AGAP1: variants seen among roughly 807,000 people sequenced by gnomAD.
AGAP1 encodes arf-GAP with GTPase, ANK repeat and PH domain-containing protein 1.
In AGAP1, 29 loss-of-function variants were observed where a neutral mutation model predicts 105.3. The observed-to-expected ratio is 0.28, with a 90% CI of 0.21 to 0.38. The LOEUF is 0.38. Among genes scored for constraint, AGAP1 ranks in the 10% least tolerant of loss-of-function variants. The pLI is 1.00. For missense variants in AGAP1, 998 were observed against 1,165.1 expected (o/e 0.86, Z 2.09); for synonymous variants, 509 against 485.9 (o/e 1.05, Z -0.63).
At chr2:235,727,995 A>C (rs751715617) in intron 3 of AGAP1, among the ~76,000 whole-genome samples, 1 of 152,152 alleles carries the variant, frequency 6.6e-6, no homozygotes, top group Non-Finnish European at 1.5e-5. Context: ...CTCAGCACCG[A>C]TTAGAGCTGG....
At position 235,973,044 on chromosome 2, in the gene AGAP1, G is replaced by A. The variant is rs915060309; in HGVS notation, c.1645+4421G>A. On this transcript the variant is annotated intron_variant, in intron 13 of 17. Transcript: ENST00000304032. This position sits in a 1 kb window ranked among gnomAD's most constrained non-coding sequence, Gnocchi z 4.7. ...TCTGGCCGTTTCTTACCTCTGTGGC[G>A]CACTTATTCAGAAAGTAAAGGCTAA... 3.9e-5 allele frequency among the ~76,000 whole-genome samples: 6 copies of A among 152,258 alleles called. No individual in the cohort carries two copies. Among genetic ancestry groups the A allele is most frequent in the African/African-American group, 9.6e-5 (4 of 41,550 alleles).
intron 1 of AGAP1, among the ~76,000 whole-genome samples, chr2:235,498,197 CA>C (rs1268905779): frequency 6.6e-6 from 1 of 152,202 alleles, no homozygotes; most frequent in African/African-American, 2.4e-5. Context: ...TGTTTGTAGG[CA>C]TGGGATACAG....
chr2:235,854,007 G>A (rs1308124190), intron 9 of AGAP1, among the ~76,000 whole-genome samples: 1 of 151,908 alleles, frequency 6.6e-6, no homozygotes, highest in Non-Finnish European at 1.5e-5. Context: ...AAATATGTCC[G>A]TTCCAGGCTT....
chr2:236,074,231 ACATCAGTACCCTCTG>A (rs2058578928), intron 16 of AGAP1, among the ~76,000 whole-genome samples: 1 of 152,132 alleles, frequency 6.6e-6, no homozygotes, highest in South Asian at 2.1e-4. Context: ...ACTTCTCCTA[ACATCAGTACCCTCTG>A]CAAGGGAGAG....
At chr2:235,798,629 G>A (rs2150046354) in intron 7 of AGAP1, among the ~76,000 whole-genome samples, 1 of 152,248 alleles carries the variant, frequency 6.6e-6, no homozygotes, top group East Asian at 1.9e-4. Flanking sequence ...TGTAATCCCA[G>A]CACTTTGGGA....
In AGAP1 at chr2:236,124,241, T is replaced by A. The variant is rs1471404671; in HGVS notation, c.*119T>A. 1.8e-6 allele frequency: 2 copies of A among 1,139,514 alleles called. No homozygotes were observed. The highest frequency in any genetic ancestry group is 1.5e-5 in the African/African-American group (1 of 64,566). The allele number at this position is 1,139,514 out of a possible 1,614,324, so 70.6% of individuals were successfully genotyped here. A position where few individuals can be genotyped will look rare whatever the true frequency, so the allele number is the denominator to read the frequency against. ...CCCCTCCCTCTTCCTGGTGGCCACC[T>A]CCCTCCCGCCCACCCACTCTCACCC... is the stretch of plus-strand genomic sequence containing the variant. On this transcript the variant is annotated 3_prime_UTR_variant, in exon 18 of 18. Transcript: ENST00000304032. The surrounding 1 kb of genome is among the most constrained non-coding windows in gnomAD (Gnocchi z 5.1).
rs1049678273 is a variant in AGAP1 at position 235,550,104 on chromosome 2, C to T, written c.163+55255C>T. 1.3e-5 allele frequency among the ~76,000 whole-genome samples: 2 copies of T among 152,192 alleles called. No individual in the cohort carries two copies. The highest frequency in any genetic ancestry group is 2.9e-5 in the Non-Finnish European group (2 of 68,036). ...CTGCTTCAGAGATCAAGTGGCATGTCCACATCTGGAGTAGACCCTGAGTGG... is the reference window on the plus strand; with the variant it reads ...CTGCTTCAGAGATCAAGTGGCATGTTCACATCTGGAGTAGACCCTGAGTGG... On this transcript the variant is annotated intron_variant, in intron 1 of 17. Transcript: ENST00000304032. This position sits in a 1 kb window ranked among gnomAD's most constrained non-coding sequence, Gnocchi z 4.6.
chr2:235,942,332 A>G (rs1423639889), intron 12 of AGAP1, among the ~76,000 whole-genome samples: 1 of 152,142 alleles, frequency 6.6e-6, no homozygotes, highest in East Asian at 1.9e-4. Flanking sequence ...TGCTTGGCCC[A>G]GTTTTTAATC....
intron 16 of AGAP1, among the ~76,000 whole-genome samples, chr2:236,085,239 A>AT (rs2058896939): frequency 2.6e-5 from 4 of 151,326 alleles, no homozygotes; most frequent in African/African-American, 7.3e-5. Flanking sequence ...AAAAAAAAAA[A>AT]ATTTTTATTT....
chr2:235,516,119 C>T (rs562336897), intron 1 of AGAP1, among the ~76,000 whole-genome samples: 50 of 147,948 alleles, frequency 3.4e-4, no homozygotes, highest in African/African-American at 1.3e-3. Flanking sequence ...ATGGACTCTC[C>T]CTCACCTGTG....
In AGAP1 at chr2:236,074,645, GACAA is replaced by G. The variant is rs139653532; in HGVS notation, c.2114+25365_2114+25368del. On this transcript the variant is annotated intron_variant, in intron 16 of 17. Coordinates refer to ENST00000304032, the MANE Select transcript of AGAP1 (RefSeq NM_001037131.3). Reference sequence around the variant, plus strand: ...ATGTTACGAAACATTTATTGAATTAGACAATGACCAAAAATTTCTTCAGTGCAAA... The same window carrying G: ...ATGTTACGAAACATTTATTGAATTAGTGACCAAAAATTTCTTCAGTGCAAA... Among the ~76,000 whole-genome samples, 1,257 of 152,264 alleles carry G rather than the reference GACAA, an allele frequency of 8.3e-3. 14 individuals carry two copies. The highest frequency in any genetic ancestry group is 0.028 in the African/African-American group (1,170 of 41,540).
At chr2:235,694,428 G>A (rs973798684) in intron 1 of AGAP1, among the ~76,000 whole-genome samples, 4 of 148,674 alleles carry the variant, frequency 2.7e-5, no homozygotes, top group Non-Finnish European at 4.4e-5. Context: ...GCAGATAGCC[G>A]AGATCGCACC....
At chr2:236,091,609 A>T (rs1235618512) in intron 16 of AGAP1, among the ~76,000 whole-genome samples, 1 of 152,120 alleles carries the variant, frequency 6.6e-6, no homozygotes, top group Non-Finnish European at 1.5e-5. Context: ...CCGTCTCTAC[A>T]AAAAAATACA....
intron 13 of AGAP1, among the ~76,000 whole-genome samples, chr2:235,991,131 T>A (rs1437498612): frequency 6.6e-6 from 1 of 152,252 alleles, no homozygotes; most frequent in Non-Finnish European, 1.5e-5. Context: ...TCTACTGTAT[T>A]GTGTAAAACA....
chr2:235,689,126 G>T lies in AGAP1; in HGVS notation c.164-20053G>T, dbSNP rs900630901. On this transcript the variant is annotated intron_variant, in intron 1 of 17. Transcript: ENST00000304032. This position sits in a 1 kb window ranked among gnomAD's most constrained non-coding sequence, Gnocchi z 4.2. The stretch of plus-strand genomic sequence containing the variant: ...AGAGCAATGAAGAAATAAGCCCAAG[G>T]CTATCCCATGAGTTAGGGGCTTCAG... 9.9e-5 allele frequency among the ~76,000 whole-genome samples: 15 copies of T among 152,202 alleles called. No individual in the cohort carries two copies. The highest frequency in any genetic ancestry group is 4.4e-5 in the Non-Finnish European group (3 of 68,040).
At chr2:235,969,221 G>A (rs2054534516) in intron 13 of AGAP1, among the ~76,000 whole-genome samples, 1 of 151,758 alleles carries the variant, frequency 6.6e-6, no homozygotes, top group Admixed American at 6.6e-5. Context: ...ATGGCTGGAT[G>A]TCAGCTTCCT....
rs555941776 is a variant in AGAP1 at position 235,578,946 on chromosome 2, T to C, written c.163+84097T>C. Among the ~76,000 whole-genome samples, 2 of 152,278 alleles carry C rather than the reference T, an allele frequency of 1.3e-5. No individual in the cohort carries two copies. The highest frequency in any genetic ancestry group is 1.3e-4 in the Admixed American group (2 of 15,296). ...ACACAGACGGATATAGATATGTAAT[T>C]TGAATTACTTCTGTTTCTTTCTCTT... On this transcript the variant is annotated intron_variant, in intron 1 of 17. Coordinates refer to ENST00000304032, the MANE Select transcript of AGAP1 (RefSeq NM_001037131.3). The surrounding 1 kb of genome is among the most constrained non-coding windows in gnomAD (Gnocchi z 4.9).
In AGAP1 at chr2:236,009,622, T is replaced by C. The variant is rs2056441836; in HGVS notation, c.1646-26939T>C. Among the ~76,000 whole-genome samples, 1 of 152,222 alleles carries C rather than the reference T, an allele frequency of 6.6e-6. No homozygotes were observed. The highest frequency in any genetic ancestry group is 2.1e-4 in the South Asian group (1 of 4,818). Reference sequence around the variant, plus strand: ...TGAATAGAGAGGGCTATTTGTTTCATTCAAAGACAAGACATTGTTAGAAAT... The same window carrying C: ...TGAATAGAGAGGGCTATTTGTTTCACTCAAAGACAAGACATTGTTAGAAAT... On this transcript the variant is annotated intron_variant, in intron 13 of 17. Coordinates refer to ENST00000304032, the MANE Select transcript of AGAP1 (RefSeq NM_001037131.3). The surrounding 1 kb of genome is among the most constrained non-coding windows in gnomAD (Gnocchi z 4.2).
At chr2:235,850,888 G>T (rs2048414421) in intron 9 of AGAP1, among the ~76,000 whole-genome samples, 1 of 152,182 alleles carries the variant, frequency 6.6e-6, no homozygotes, top group Non-Finnish European at 1.5e-5. Flanking sequence ...TCCATCTGGG[G>T]GATTGTGGTC....
Sources: gnomAD v4.1 joint callset for allele counts (sites outside exome capture counted in the v4.1 genomes callset) on GRCh38, gnomAD v4.1.1 for gene constraint, Gnocchi (gnomAD v3.1) non-coding constraint, MANE v1.5 for transcripts, NCBI Gene and HGNC (gene_info 2026-07-23, HGNC 2026-07-21) for gene names.